SCN7A: variants seen among roughly 807,000 people sequenced by gnomAD.
SCN7A encodes sodium voltage-gated channel alpha subunit 7, also known as sodium channel protein type 7 subunit alpha.
SCN7A carries 138 observed loss-of-function variants against 155.2 expected under a neutral mutation model. The observed-to-expected ratio is 0.89, with a 90% CI of 0.77 to 1.02. The LOEUF is 1.02. Among genes scored for constraint, SCN7A ranks in the 50% least tolerant of loss-of-function variants. The pLI is 0.00. For missense variants in SCN7A, 2,058 were observed against 1,986.6 expected, an observed-to-expected ratio of 1.04 and a Z score of -0.68; for synonymous variants, 693 against 649.0, an observed-to-expected ratio of 1.07 and a Z score of -1.03.
rs200792579 is a variant in SCN7A at position 166,470,667 on chromosome 2, C to T, written c.612G>A (p.Thr204=). 183 of 1,608,716 alleles carry T rather than the reference C, an allele frequency of 1.1e-4. 1 individual carries two copies. In the Middle Eastern group the frequency reaches 1.5e-3, roughly 13 times the overall value. ...TTCTCAAAGTTCTTGCAGTTTGAAG[C>T]GTTGGAATGAAGTCCAGAGGTGAGT... ...IRYSPLDFIP[T]LQTARTLRIL... Residue 204 remains threonine, a synonymous_variant, in exon 7 of 26, where the codon ACG becomes ACA. Transcript: ENST00000643258.
intron 20 of SCN7A, 107 bp from the exon 21 acceptor site, chr2:166,417,092 AC>A (rs902929659): frequency 1.0e-4 from 92 of 882,138 alleles, no homozygotes; most frequent in Non-Finnish European, 1.3e-4. Context: ...TTAAAAAAAA[AC>A]CTTAAAAGGC....
At chr2:166,446,791 T>A (rs1485855888) in intron 12 of SCN7A, among the ~76,000 whole-genome samples, 2 of 151,992 alleles carry the variant, frequency 1.3e-5, no homozygotes, top group Non-Finnish European at 2.9e-5. Flanking sequence ...ACACCGCATG[T>A]CCTCACTCAT....
chr2:166,456,432 T>A lies in SCN7A; in HGVS notation c.1290+438A>T, dbSNP rs538879153. ...AAAAGGGTTGAAATTATAAAAAATT[T>A]AAAAATTTAAAACTGCATAGAAAAA... On this transcript the variant is annotated intron_variant, in intron 11 of 25. Coordinates refer to ENST00000643258, the MANE Select transcript of SCN7A (RefSeq NM_002976.4). Among the ~76,000 whole-genome samples, 418 of 152,090 alleles carry A rather than the reference T, an allele frequency of 2.7e-3. 1 individual carries two copies. Among genetic ancestry groups the A allele is most frequent in the Admixed American group, 5.5e-3 (84 of 15,256 alleles).
chr2:166,406,233 A>G lies in SCN7A; in HGVS notation c.4396T>C (p.Cys1466Arg). Residue 1466 changes from cysteine to arginine, a missense_variant, in exon 26 of 26, where the codon TGT (cysteine) becomes CGT (arginine). Physicochemically the swap from Cys to Arg is radical, Grantham distance 180. Coordinates refer to ENST00000643258, the MANE Select transcript of SCN7A (RefSeq NM_002976.4). Reference sequence around the variant, plus strand: ...AAAATCCCAACAGAGGGGTTCCCACAATCTCCTCTAACTTGAGTCCCAGGG... The same window carrying G: ...AAAATCCCAACAGAGGGGTTCCCACGATCTCCTCTAACTTGAGTCCCAGGG... ...INPGTQVRGD[C>R]GNPSVGIFYF... 2 of 1,613,204 alleles carry G rather than the reference A, an allele frequency of 1.2e-6. No homozygotes were observed. The highest frequency in any genetic ancestry group is 2.7e-5 in the African/African-American group (2 of 74,960).
At chr2:166,414,157 A>G (rs1701285913) in intron 21 of SCN7A, among the ~76,000 whole-genome samples, 1 of 65,068 alleles carries the variant, frequency 1.5e-5, no homozygotes. Context: ...ATAAATATAT[A>G]TAATATATTA....
chr2:166,430,961 G>A (rs1179854657), intron 16 of SCN7A, among the ~76,000 whole-genome samples: 1 of 151,834 alleles, frequency 6.6e-6, no homozygotes, highest in Non-Finnish European at 1.5e-5. Flanking sequence ...CATCTTTTGT[G>A]AGTAGTTAAT....
chr2:166,431,491 T>A (rs1349756620), intron 16 of SCN7A, among the ~76,000 whole-genome samples: 1 of 152,036 alleles, frequency 6.6e-6, no homozygotes, highest in Non-Finnish European at 1.5e-5. Flanking sequence ...CCCTGAGTGA[T>A]CTGAAATGAT....
chr2:166,438,994 T>C (rs944640035), intron 15 of SCN7A, among the ~76,000 whole-genome samples: 2 of 147,452 alleles, frequency 1.4e-5, no homozygotes, highest in Non-Finnish European at 3.0e-5. Context: ...TATATTTATA[T>C]GTTATATCAT....
At chr2:166,479,234 G>A (rs1313235722) in intron 2 of SCN7A, among the ~76,000 whole-genome samples, 1 of 152,026 alleles carries the variant, frequency 6.6e-6, no homozygotes, top group African/African-American at 2.4e-5. Context: ...TAAGTGAGTT[G>A]TTTAATACTT....
In SCN7A at chr2:166,405,936, G is replaced by T; in HGVS notation, c.4693C>A (p.Pro1565Thr). Residue 1565 changes from proline to threonine, a missense_variant, in exon 26 of 26, where the codon CCC becomes ACC. Pro to Thr is a conservative substitution (Grantham distance 38, BLOSUM62 -1). Transcript: ENST00000643258. The part of the protein sequence containing the change: ...NKGQLIALDL[P>T]MAVGDRIHCL... ...TGAATTCTGTCCCCAACAGCCATGG[G>T]GAGGTCCAAAGCAATGAGCTGGCCC... 1 of 1,613,058 alleles carries T rather than the reference G, an allele frequency of 6.2e-7. No homozygotes were observed. Among genetic ancestry groups the T allele is most frequent in the Non-Finnish European group, 8.5e-7 (1 of 1,179,394 alleles).
chr2:166,484,807 A>T (rs1234978297), intron 2 of SCN7A, among the ~76,000 whole-genome samples: 2 of 152,058 alleles, frequency 1.3e-5, no homozygotes, highest in Non-Finnish European at 2.9e-5. Flanking sequence ...GGGAAAAGAA[A>T]TTTAAGACTA....
At chr2:166,483,919 T>A (rs755137770) in intron 2 of SCN7A, among the ~76,000 whole-genome samples, 10 of 151,866 alleles carry the variant, frequency 6.6e-5, no homozygotes, top group Non-Finnish European at 1.2e-4. Flanking sequence ...AACATATATC[T>A]CAGGTGCAGC....
At chr2:166,460,970 T>A (rs1246622605) in intron 10 of SCN7A, among the ~76,000 whole-genome samples, 1 of 151,264 alleles carries the variant, frequency 6.6e-6, no homozygotes, top group South Asian at 2.1e-4. Context: ...TCAAAGAGAC[T>A]GGAAATACCA....
chr2:166,459,472 G>C (rs894478952), intron 10 of SCN7A, among the ~76,000 whole-genome samples: 1 of 151,980 alleles, frequency 6.6e-6, no homozygotes. Flanking sequence ...ACACTGTTTT[G>C]TTCATTTCTG....
intron 23 of SCN7A, 68 bp downstream of exon 23, chr2:166,412,462 C>T: frequency 7.7e-7 from 1 of 1,290,918 alleles, no homozygotes; most frequent in Non-Finnish European, 9.9e-7. Context: ...TGAAGCAGGG[C>T]ATTTATATAT....
At position 166,456,821 on chromosome 2, in the gene SCN7A, T is replaced by TAG. The variant is rs768122973; in HGVS notation, c.1290+48_1290+49insCT. 1.3e-3 allele frequency: 917 copies of TAG among 682,398 alleles called. 5 individuals are homozygous for TAG. Among genetic ancestry groups the TAG allele is most frequent in the African/African-American group, 7.3e-3 (348 of 47,514 alleles). The allele number at this position is 682,398 out of a possible 1,614,324, so 42.3% of individuals were successfully genotyped here. On this transcript the variant is annotated intron_variant, in intron 11 of 25. Coordinates refer to ENST00000643258, the MANE Select transcript of SCN7A (RefSeq NM_002976.4). The stretch of plus-strand genomic sequence containing the variant: ...AGACTAAAATATATATATATATATA[T>TAG]ATATATATAGATAGATAGATAGATA...
At chr2:166,470,244 G>A (rs923259542) in intron 7 of SCN7A, among the ~76,000 whole-genome samples, 3 of 151,652 alleles carry the variant, frequency 2.0e-5, no homozygotes, top group African/African-American at 7.3e-5. Context: ...CATGTCAACT[G>A]GTTTCTTGAT....
chr2:166,440,331 C>T (rs1352396599), intron 15 of SCN7A, among the ~76,000 whole-genome samples: 2 of 152,160 alleles, frequency 1.3e-5, no homozygotes, highest in Non-Finnish European at 2.9e-5. Context: ...AGCAGTGTTA[C>T]ATTTAAGTGC....
At chr2:166,414,154 TATATA>T (rs1166798180) in intron 21 of SCN7A, among the ~76,000 whole-genome samples, 9 of 69,176 alleles carry the variant, frequency 1.3e-4, no homozygotes, top group Admixed American at 2.1e-4. Context: ...TATATAAATA[TATATA>T]ATATATTATA....
Sources: gnomAD v4.1 joint callset for allele counts (sites outside exome capture counted in the v4.1 genomes callset) on GRCh38, gnomAD v4.1.1 for gene constraint, MANE v1.5 for transcripts, NCBI Gene and HGNC (gene_info 2026-07-23, HGNC 2026-07-21) for gene names.